TMEM108: variants seen among roughly 807,000 people sequenced by gnomAD.
TMEM108 encodes the protein transmembrane protein 108.
A neutral mutation model predicts 35.1 loss-of-function variants in TMEM108; 12 were observed. The ratio of observed to expected loss-of-function variants is 0.34; its 90% CI spans 0.22 to 0.55. The LOEUF is 0.55. TMEM108 is among the 20% of genes least tolerant of loss of function. The pLI, the probability that TMEM108 is intolerant of heterozygous loss-of-function variation, is 0.89. For synonymous variants in TMEM108, 287 were observed against 308.6 expected (o/e 0.93, Z 0.73); for missense variants, 680 against 753.3 (o/e 0.90, Z 1.14).
chr3:133,202,398 G>A (rs1321032651), intron 2 of TMEM108, among the ~76,000 whole-genome samples: 4 of 152,074 alleles, frequency 2.6e-5, no homozygotes, highest in African/African-American at 9.7e-5. Flanking sequence ...TATTGCCTAG[G>A]TTTTCTTCTA....
intron 3 of TMEM108, among the ~76,000 whole-genome samples, chr3:133,357,179 A>G (rs2072197757): frequency 6.6e-6 from 1 of 152,236 alleles, no homozygotes; most frequent in Middle Eastern, 3.2e-3. Context: ...AATGAAAAAA[A>G]TGTTCAACAT....
At chr3:133,320,664 G>A (rs1347982217) in intron 3 of TMEM108, among the ~76,000 whole-genome samples, 3 of 152,152 alleles carry the variant, frequency 2.0e-5, no homozygotes, top group East Asian at 1.9e-4. Context: ...CAAGAAGCTC[G>A]AAGGAAACCT....
chr3:133,338,770 G>A lies in TMEM108; in HGVS notation c.41-40982G>A, dbSNP rs777183498. ...CAACTTTTGAAGACATTGACAGCAC[G>A]ATAAGATATAAATAGAAACAACAAA... On this transcript the variant is annotated intron_variant, in intron 3 of 5. Transcript: ENST00000321871. Among the ~76,000 whole-genome samples the A allele has an allele frequency of 4.6e-5, 7 of 151,926 alleles. 1 individual carries two copies. The highest frequency in any genetic ancestry group is 2.1e-4 in the South Asian group (1 of 4,828).
chr3:133,191,863 G>C (rs1945502334), intron 2 of TMEM108, among the ~76,000 whole-genome samples: 2 of 152,194 alleles, frequency 1.3e-5, no homozygotes, highest in Non-Finnish European at 2.9e-5. Flanking sequence ...TGAATGAATC[G>C]ATGGGGTAAA....
chr3:133,213,773 C>A (rs1298234179), intron 2 of TMEM108, among the ~76,000 whole-genome samples: 1 of 152,028 alleles, frequency 6.6e-6, no homozygotes, highest in Non-Finnish European at 1.5e-5. Context: ...TGTTTTGGAC[C>A]TTTCTTCCTG....
At chr3:133,110,383 C>T (rs1944210644) in intron 2 of TMEM108, among the ~76,000 whole-genome samples, 1 of 152,150 alleles carries the variant, frequency 6.6e-6, no homozygotes, top group South Asian at 2.1e-4. Context: ...TCAGTCCTGC[C>T]ACTGTGGACC....
At chr3:133,341,420 C>T (rs188663724) in intron 3 of TMEM108, among the ~76,000 whole-genome samples, 41 of 151,746 alleles carry the variant, frequency 2.7e-4, no homozygotes, top group Admixed American at 1.1e-3. Flanking sequence ...AAAGATATAC[C>T]GTGTCTATGG....
At chr3:133,344,664 T>C (rs2071762880) in intron 3 of TMEM108, among the ~76,000 whole-genome samples, 2 of 151,790 alleles carry the variant, frequency 1.3e-5, no homozygotes, top group Non-Finnish European at 3.0e-5. Flanking sequence ...CAGTAGTTGA[T>C]TGGGAACAAA....
chr3:133,180,906 T>C (rs950823927), intron 2 of TMEM108, among the ~76,000 whole-genome samples: 2 of 150,260 alleles, frequency 1.3e-5, no homozygotes. Flanking sequence ...AAACAACTTT[T>C]AACACAAACT....
intron 2 of TMEM108, among the ~76,000 whole-genome samples, chr3:133,132,125 G>C (rs943828774): frequency 6.6e-6 from 1 of 152,184 alleles, no homozygotes; most frequent in Non-Finnish European, 1.5e-5. Flanking sequence ...AAAGTACCAA[G>C]TGACGCAGCA....
intron 2 of TMEM108, among the ~76,000 whole-genome samples, chr3:133,190,409 T>C (rs1297291158): frequency 6.6e-6 from 1 of 152,190 alleles, no homozygotes; most frequent in African/African-American, 2.4e-5. Context: ...GGTAGAAGAA[T>C]AAGAAATTTC....
chr3:133,196,426 C>A (rs1192583727), intron 2 of TMEM108, among the ~76,000 whole-genome samples: 6 of 152,182 alleles, frequency 3.9e-5, no homozygotes, highest in African/African-American at 1.4e-4. Flanking sequence ...TACAATATTT[C>A]TTTCCAGAAT....
chr3:133,290,830 T>C (rs1947052969), intron 3 of TMEM108, among the ~76,000 whole-genome samples: 1 of 151,954 alleles, frequency 6.6e-6, no homozygotes, highest in South Asian at 2.1e-4. Flanking sequence ...CTTTGGAGCA[T>C]GAGGGAACAA....
chr3:133,069,171 G>T (rs956286453), intron 2 of TMEM108, among the ~76,000 whole-genome samples: 4 of 152,180 alleles, frequency 2.6e-5, no homozygotes, highest in South Asian at 2.1e-4. Flanking sequence ...GGATGGAGCC[G>T]ATGGCTCTGG....
In TMEM108 at chr3:133,379,765, C is replaced by T. The variant is rs1271797653; in HGVS notation, c.54C>T (p.Ile18=). ...LYCQLLSFLL[I]LALTEALAFA... ...CTCCTTTTCAAGGTTTCCTGCTGATCTTGGCACTGACCGAAGCGCTGGCAT... is the reference window on the plus strand; with the variant it reads ...CTCCTTTTCAAGGTTTCCTGCTGATTTTGGCACTGACCGAAGCGCTGGCAT... The change falls in exon 4 of 6, where the codon ATC becomes ATT. Residue 18 remains isoleucine, a synonymous_variant. Coordinates refer to ENST00000321871, the MANE Select transcript of TMEM108 (RefSeq NM_023943.4). The T allele has an allele frequency of 6.2e-7, 1 of 1,613,634 alleles. No homozygotes were observed. The highest frequency in any genetic ancestry group is 8.5e-7 in the Non-Finnish European group (1 of 1,179,728).
In TMEM108 at chr3:133,101,785, A is replaced by G. The variant is rs77547953; in HGVS notation, c.-47+55765A>G. Reference sequence around the variant, plus strand: ...CCTTTCCTTTGAATGTGGTTCCACCATTGAAATCTACTCATTGGAATCCCA... The same window carrying G: ...CCTTTCCTTTGAATGTGGTTCCACCGTTGAAATCTACTCATTGGAATCCCA... On this transcript the variant is annotated intron_variant, in intron 2 of 5. Coordinates refer to ENST00000321871, the MANE Select transcript of TMEM108 (RefSeq NM_023943.4). Among the ~76,000 whole-genome samples the G allele has an allele frequency of 4.2e-3, 647 of 152,358 alleles. 11 individuals carry two copies. The highest frequency in any genetic ancestry group is 0.03 in the East Asian group (155 of 5,192).
chr3:133,188,693 A>G (rs1201100538), intron 2 of TMEM108, among the ~76,000 whole-genome samples: 2 of 152,212 alleles, frequency 1.3e-5, no homozygotes, highest in Non-Finnish European at 2.9e-5. Context: ...GTATCCATTT[A>G]GCTTCCTGTT....
At chr3:133,065,094 T>A (rs533290967) in intron 2 of TMEM108, among the ~76,000 whole-genome samples, 4 of 152,188 alleles carry the variant, frequency 2.6e-5, no homozygotes, top group Admixed American at 6.5e-5. Flanking sequence ...ATCTCACCAT[T>A]TGGGAAGGCA....
chr3:133,085,199 T>C (rs1047260833), intron 2 of TMEM108, among the ~76,000 whole-genome samples: 3 of 152,192 alleles, frequency 2.0e-5, no homozygotes, highest in African/African-American at 7.2e-5. Flanking sequence ...CCAAAGACAA[T>C]GTAAAGTTAG....
Sources: gnomAD v4.1 joint callset for allele counts (sites outside exome capture counted in the v4.1 genomes callset) on GRCh38, gnomAD v4.1.1 for gene constraint, MANE v1.5 for transcripts, NCBI Gene and HGNC (gene_info 2026-07-23, HGNC 2026-07-21) for gene names.